ROCK1: variants seen among roughly 807,000 people sequenced by gnomAD.
ROCK1 encodes rho-associated protein kinase 1.
ROCK1 carries 36 observed loss-of-function variants against 196.8 expected under a neutral mutation model. The ratio of observed to expected loss-of-function variants is 0.18; its 90% CI spans 0.14 to 0.24. The LOEUF is 0.24. Among genes scored for constraint, ROCK1 ranks in the 10% least tolerant of loss-of-function variants. The pLI is 1.00. For synonymous variants in ROCK1, 443 were observed against 515.9 expected, an observed-to-expected ratio of 0.86 and a Z score of 1.91; for missense variants, 920 against 1,562.0, an observed-to-expected ratio of 0.59 and a Z score of 6.93.
intron 11 of ROCK1, among the ~76,000 whole-genome samples, chr18:21,022,037 A>G (rs1243820255): frequency 6.6e-6 from 1 of 151,128 alleles, no homozygotes; most frequent in African/African-American, 2.5e-5. Flanking sequence ...GTTCTCTTAT[A>G]TTTAAGAGTC....
chr18:20,973,147 G>T (rs1016840025), intron 22 of ROCK1, among the ~76,000 whole-genome samples: 1 of 152,228 alleles, frequency 6.6e-6, no homozygotes, highest in African/African-American at 2.4e-5. Context: ...CCAAAGTGCT[G>T]GGATTACAGG....
At chr18:20,977,225 T>C (rs2035488797) in intron 22 of ROCK1, among the ~76,000 whole-genome samples, 1 of 152,212 alleles carries the variant, frequency 6.6e-6, no homozygotes, top group African/African-American at 2.4e-5. Flanking sequence ...AAGTCCCTGA[T>C]TGGAGTGCTG....
At chr18:21,034,904 A>C (rs1401090871) in intron 9 of ROCK1, among the ~76,000 whole-genome samples, 1 of 152,220 alleles carries the variant, frequency 6.6e-6, no homozygotes, top group African/African-American at 2.4e-5. Flanking sequence ...AAAATTTTTA[A>C]AGAACTCCTA....
At chr18:21,066,508 T>C (rs1362520036) in intron 2 of ROCK1, among the ~76,000 whole-genome samples, 13 of 152,208 alleles carry the variant, frequency 8.5e-5, no homozygotes, top group Admixed American at 5.9e-4. Context: ...TTTTTGTATA[T>C]AGATTTCAAT....
At chr18:20,976,129 A>G (rs577444514) in intron 22 of ROCK1, among the ~76,000 whole-genome samples, 1 of 150,500 alleles carries the variant, frequency 6.6e-6, no homozygotes, top group African/African-American at 2.5e-5. Flanking sequence ...AGAGGACCAA[A>G]TGAGCCTACA....
intron 7 of ROCK1, 56 bp from the exon 8 acceptor site, chr18:21,042,291 G>C: frequency 1.4e-6 from 2 of 1,454,382 alleles, no homozygotes; most frequent in Non-Finnish European, 1.8e-6. Context: ...TAAAAAGTCA[G>C]TTTCAAAGGA....
At chr18:21,000,244 A>G (rs2035711511) in intron 16 of ROCK1, among the ~76,000 whole-genome samples, 1 of 151,866 alleles carries the variant, frequency 6.6e-6, no homozygotes, top group Non-Finnish European at 1.5e-5. Context: ...TAGATGCATG[A>G]TATCTATAGT....
intron 2 of ROCK1, among the ~76,000 whole-genome samples, chr18:21,057,265 T>C (rs534780673): frequency 6.6e-6 from 1 of 152,270 alleles, no homozygotes; most frequent in Non-Finnish European, 1.5e-5. Context: ...AATACTACTA[T>C]GCAACATATT....
intron 11 of ROCK1, among the ~76,000 whole-genome samples, chr18:21,021,187 A>G (rs288982): frequency 0.023 from 3,441 of 152,308 alleles, 127 homozygotes; most frequent in African/African-American, 0.078. Flanking sequence ...AAGACAGCCA[A>G]CACACTGCTA....
intron 16 of ROCK1, 90 bp from the exon 17 acceptor site, chr18:20,993,027 T>C: frequency 1.4e-6 from 1 of 714,976 alleles, no homozygotes; most frequent in South Asian, 1.9e-5. Flanking sequence ...AAAATGTTTT[T>C]TTAATGTATT....
In ROCK1 at chr18:20,969,193, T is replaced by A; in HGVS notation, c.2836A>T (p.Ser946Cys). 6.3e-7 allele frequency: 1 copy of A among 1,599,866 alleles called. No individual in the cohort carries two copies. Among genetic ancestry groups the A allele is most frequent in the Non-Finnish European group, 8.5e-7 (1 of 1,175,360 alleles). The change falls in exon 24 of 33, where the codon AGC becomes TGC. Residue 946 changes from serine (S) to cysteine (C), a missense_variant. This residue lies in a region of ROCK1 where 520 missense variants were observed against 657.1 expected (regional missense o/e 0.79). Coordinates refer to ENST00000399799, the MANE Select transcript of ROCK1 (RefSeq NM_005406.3). Reference sequence around the variant, plus strand: ...ATTTCAATATCTTTGGTTAGCATGCTGTTTGCTTCTTCAAGCTAAACAAAG... The same window carrying A: ...ATTTCAATATCTTTGGTTAGCATGCAGTTTGCTTCTTCAAGCTAAACAAAG... ...HTVSRLEEAN[S>C]MLTKDIEILR...
rs138844556 is a variant in ROCK1, at chr18:21,064,278, T to C, written c.175+6254A>G. ...CTTTTGGAAGACTCTGTGATTTAAA[T>C]GGTCCTCCCTCTCAGAACTGTCCTT... On this transcript the variant is annotated intron_variant, in intron 2 of 32. Coordinates refer to ENST00000399799, the MANE Select transcript of ROCK1 (RefSeq NM_005406.3). Among the ~76,000 whole-genome samples the C allele has an allele frequency of 8.1e-3, 1,228 of 152,294 alleles. 7 individuals carry two copies. The highest frequency in any genetic ancestry group is 0.017 in the Middle Eastern group (5 of 294).
At chr18:21,071,504 AATATT>A (rs917748826) in intron 1 of ROCK1, among the ~76,000 whole-genome samples, 1 of 152,144 alleles carries the variant, frequency 6.6e-6, no homozygotes. Context: ...TGGATATTTA[AATATT>A]ATCTAAGCAA....
intron 19 of ROCK1, among the ~76,000 whole-genome samples, chr18:20,986,694 A>G (rs1306041937): frequency 1.3e-5 from 2 of 152,214 alleles, no homozygotes; most frequent in East Asian, 3.8e-4. Flanking sequence ...TTTTCAGGGA[A>G]GGAACTATGA....
chr18:20,982,255 A>G (rs575961795), intron 21 of ROCK1, among the ~76,000 whole-genome samples: 1 of 152,170 alleles, frequency 6.6e-6, no homozygotes, highest in Admixed American at 6.5e-5. Context: ...ACAATATTTA[A>G]AAGTCTTTCA....
intron 1 of ROCK1, among the ~76,000 whole-genome samples, chr18:21,083,571 C>T (rs1361899102): frequency 6.6e-6 from 1 of 152,186 alleles, no homozygotes; most frequent in African/African-American, 2.4e-5. Context: ...AAGACCAACT[C>T]CTCCTTTTCC....
At chr18:20,978,664 A>G (rs1377132408) in intron 22 of ROCK1, among the ~76,000 whole-genome samples, 1 of 152,230 alleles carries the variant, frequency 6.6e-6, no homozygotes, top group Non-Finnish European at 1.5e-5. Context: ...TCAACCAACT[A>G]CAGAAATGCA....
intron 29 of ROCK1, among the ~76,000 whole-genome samples, chr18:20,957,856 G>A: frequency 6.6e-6 from 1 of 151,242 alleles, no homozygotes; most frequent in Non-Finnish European, 1.5e-5. Context: ...TCGCTATGTT[G>A]CCCAGGCTGG....
At chr18:21,004,380 T>C (rs746120955) in intron 16 of ROCK1, among the ~76,000 whole-genome samples, 7 of 152,222 alleles carry the variant, frequency 4.6e-5, no homozygotes, top group Non-Finnish European at 8.8e-5. Flanking sequence ...ATAAGCATTG[T>C]GATTTTTTTA....
Sources: allele counts gnomAD v4.1 joint callset (sites outside exome capture counted in the v4.1 genomes callset), GRCh38; gene constraint gnomAD v4.1.1; regional missense constraint gnomAD v4.1.1; transcripts MANE v1.5; gene names NCBI Gene and HGNC (gene_info 2026-07-23, HGNC 2026-07-21).